Variants in IL20RA observed in about 807,000 individuals in gnomAD.
IL20RA encodes the protein interleukin-20 receptor subunit alpha.
Under a neutral mutation model 36.5 loss-of-function variants are expected in IL20RA, and 29 were observed. The observed-to-expected ratio is 0.79, with a 90% confidence interval of 0.59 to 1.08. IL20RA has a LOEUF of 1.08. Ranked by LOEUF, IL20RA falls within the 50% of genes least tolerant of loss-of-function variation. The probability of loss-of-function intolerance (pLI) is 0.00; values close to 1 mark genes in which losing one functional copy is unlikely to be tolerated. For missense variants in IL20RA, 652 were observed against 668.4 expected, an observed-to-expected ratio of 0.98 and a Z score of 0.27; for synonymous variants, 279 against 267.1, an observed-to-expected ratio of 1.04 and a Z score of -0.43.
chr6:137,019,572 A>G (rs1775827748), intron 1 of IL20RA, among the ~76,000 whole-genome samples: 1 of 152,210 alleles, frequency 6.6e-6, no homozygotes, highest in Admixed American at 6.5e-5. Context: ...GGTTGCTGTC[A>G]TAAGGAAACA....
intron 1 of IL20RA, among the ~76,000 whole-genome samples, chr6:137,037,127 G>T (rs1277120682): frequency 2.6e-5 from 4 of 152,164 alleles, no homozygotes; most frequent in African/African-American, 9.7e-5. Context: ...AGTATACATG[G>T]TATACATGTT....
At chr6:137,018,467 T>A (rs1367216472) in intron 1 of IL20RA, among the ~76,000 whole-genome samples, 6 of 151,836 alleles carry the variant, frequency 4.0e-5, no homozygotes, top group South Asian at 2.1e-4. Flanking sequence ...TTTATTTTTT[T>A]AAAAAATGTT....
Position 137,011,406 on chromosome 6 carries a change from T to C in IL20RA, c.271A>G (p.Asn91Asp), listed in dbSNP as rs763356187. Residue 91 changes from asparagine to aspartate, a missense_variant, in exon 3 of 7, where the codon AAT becomes GAT. Physicochemically the swap from Asn to Asp is conservative, Grantham distance 23. Transcript: ENST00000316649. Reference sequence around the variant, plus strand: ...GCAGAAAGATCACAGTAGGTTCTATTGATATTTCTGCATTCTGATTTATTC... The same window carrying C: ...GCAGAAAGATCACAGTAGGTTCTATCGATATTTCTGCATTCTGATTTATTC... Reference protein sequence around the residue: ...WLNKSECRNINRTYCDLSAET... With the variant: ...WLNKSECRNIDRTYCDLSAET... The C allele has an allele frequency of 6.2e-7, 1 of 1,613,568 alleles. No homozygotes were observed. Among genetic ancestry groups the C allele is most frequent in the Non-Finnish European group, 8.5e-7 (1 of 1,179,684 alleles).
At chr6:137,025,758 AAGTGAATACT>A (rs1175357691) in intron 1 of IL20RA, among the ~76,000 whole-genome samples, 3 of 152,250 alleles carry the variant, frequency 2.0e-5, no homozygotes, top group Non-Finnish European at 4.4e-5. Context: ...AATGGCCTCA[AAGTGAATACT>A]AGGGTTGCCA....
At chr6:137,008,099 C>A (rs1248154040) in intron 5 of IL20RA, among the ~76,000 whole-genome samples, 1 of 152,138 alleles carries the variant, frequency 6.6e-6, no homozygotes, top group Non-Finnish European at 1.5e-5. Flanking sequence ...TCCCGAGTAG[C>A]TAGGACTACA....
At position 137,017,097 on chromosome 6, in the gene IL20RA, C is replaced by T; in HGVS notation, c.95G>A (p.Cys32Tyr). 1 of 1,612,204 alleles carries T rather than the reference C, an allele frequency of 6.2e-7. No homozygotes were observed. Among genetic ancestry groups the T allele is most frequent in the Non-Finnish European group, 8.5e-7 (1 of 1,179,446 alleles). The change falls in exon 2 of 7, where the codon TGT (cysteine) becomes TAT (tyrosine). Residue 32 changes from cysteine (C) to tyrosine (Y), a missense_variant. Cys to Tyr is a radical substitution (Grantham distance 194). Coordinates refer to ENST00000316649, the MANE Select transcript of IL20RA (RefSeq NM_014432.4). ...LAAPWGRAVP[C>Y]VSGGLPKPAN... The stretch of plus-strand genomic sequence containing the variant: ...AGGTTTAGGCAAACCACCAGAGACA[C>T]AGGGAACTGAAAAAGGAGCAGAAAG...
chr6:137,026,358 T>A (rs1243369756), intron 1 of IL20RA, among the ~76,000 whole-genome samples: 1 of 152,200 alleles, frequency 6.6e-6, no homozygotes, highest in Non-Finnish European at 1.5e-5. Context: ...TAGATTCACA[T>A]GAGCATTGAA....
In IL20RA at chr6:137,017,496, T is replaced by C. The variant is rs141957894; in HGVS notation, c.89-393A>G. Among the ~76,000 whole-genome samples the C allele has an allele frequency of 5.7e-4, 87 of 152,238 alleles. 1 individual carries two copies. In the East Asian group the frequency reaches 0.016, roughly 29 times the overall value. Reference sequence around the variant, plus strand: ...GCTGCATGAGAGACCTCGTGTGAGATCAGCAGAAGAATCATCTGGCAGAGC... The same window carrying C: ...GCTGCATGAGAGACCTCGTGTGAGACCAGCAGAAGAATCATCTGGCAGAGC... On this transcript the variant is annotated intron_variant, in intron 1 of 6. Transcript: ENST00000316649.
chr6:137,021,009 T>C (rs947840284), intron 1 of IL20RA, among the ~76,000 whole-genome samples: 3 of 151,816 alleles, frequency 2.0e-5, no homozygotes, highest in Non-Finnish European at 2.9e-5. Flanking sequence ...GGACACAAAA[T>C]ATTCCTGTTA....
intron 1 of IL20RA, among the ~76,000 whole-genome samples, chr6:137,036,538 C>A (rs1776499925): frequency 6.6e-6 from 1 of 152,120 alleles, no homozygotes; most frequent in Non-Finnish European, 1.5e-5. Flanking sequence ...TATGTGAAGG[C>A]AAACAGGAAG....
intron 2 of IL20RA, among the ~76,000 whole-genome samples, chr6:137,012,271 A>G (rs553147897): frequency 9.8e-5 from 15 of 152,314 alleles, no homozygotes; most frequent in African/African-American, 3.6e-4. Flanking sequence ...ATAAATAAGG[A>G]CAGGACAAAA....
intron 1 of IL20RA, among the ~76,000 whole-genome samples, chr6:137,041,976 C>G (rs117958812): frequency 2.3e-4 from 35 of 152,228 alleles, no homozygotes; most frequent in Middle Eastern, 3.4e-3. Context: ...CCCCACCCCC[C>G]GACAGGCTCT....
At chr6:137,039,061 T>A (rs1346065650) in intron 1 of IL20RA, among the ~76,000 whole-genome samples, 3 of 152,236 alleles carry the variant, frequency 2.0e-5, no homozygotes, top group Admixed American at 6.5e-5. Context: ...GAAATATATA[T>A]GTCCTACCTT....
intron 1 of IL20RA, among the ~76,000 whole-genome samples, chr6:137,021,920 T>C (rs1775922458): frequency 6.6e-6 from 1 of 152,138 alleles, no homozygotes; most frequent in Admixed American, 6.5e-5. Flanking sequence ...GTACTATTGT[T>C]ATCATCTCTA....
intron 2 of IL20RA, 129 bp downstream of exon 2, chr6:137,016,839 A>T: frequency 1.2e-6 from 1 of 853,400 alleles, no homozygotes; most frequent in Non-Finnish European, 1.8e-6. Context: ...AGAAAACTTA[A>T]CCTGAAATAT....
chr6:137,032,716 C>G (rs1257102949), intron 1 of IL20RA, among the ~76,000 whole-genome samples: 1 of 152,170 alleles, frequency 6.6e-6, no homozygotes, highest in Non-Finnish European at 1.5e-5. Flanking sequence ...CTCAGACTTT[C>G]CAATCACACA....
intron 1 of IL20RA, among the ~76,000 whole-genome samples, chr6:137,028,020 G>C (rs1272919114): frequency 6.6e-6 from 1 of 152,228 alleles, no homozygotes; most frequent in Non-Finnish European, 1.5e-5. Flanking sequence ...GCTTTTCCTG[G>C]TGGAACTGTT....
Position 137,002,289 on chromosome 6 carries a change from AGTT to A in IL20RA, c.928_930del (p.Asn310del). ...TCATCCGAGATATTGAGGGTGATAA[AGTT>A]AATCACGATTTTTTCAGCAGGCACA... On this transcript the variant is annotated inframe_deletion, in exon 7 of 7. Coordinates refer to ENST00000316649, the MANE Select transcript of IL20RA (RefSeq NM_014432.4). 1 of 1,609,766 alleles carries A rather than the reference AGTT, an allele frequency of 6.2e-7. No homozygotes were observed. Among genetic ancestry groups the A allele is most frequent in the Non-Finnish European group, 8.5e-7 (1 of 1,178,826 alleles).
At chr6:137,021,020 T>C (rs775884477) in intron 1 of IL20RA, among the ~76,000 whole-genome samples, 5 of 150,132 alleles carry the variant, frequency 3.3e-5, no homozygotes, top group Non-Finnish European at 7.4e-5. Flanking sequence ...ATTCCTGTTA[T>C]GACATGGTCT....
Sources: allele counts gnomAD v4.1 joint callset (sites outside exome capture counted in the v4.1 genomes callset), GRCh38; gene constraint gnomAD v4.1.1; transcripts MANE v1.5; gene names NCBI Gene and HGNC (gene_info 2026-07-23, HGNC 2026-07-21).